VPS13C: variants seen among roughly 807,000 people sequenced by gnomAD.
VPS13C encodes vacuolar protein sorting 13 homolog C.
A neutral mutation model predicts 456.8 loss-of-function variants in VPS13C; 358 were observed. The observed-to-expected ratio is 0.78, with a 90% CI of 0.72 to 0.86. The LOEUF (loss-of-function observed/expected upper bound fraction) is 0.86, where lower values mean the gene tolerates loss of function less well. VPS13C is among the 40% of genes least tolerant of loss of function. VPS13C has a pLI of 0.00. For missense variants in VPS13C, 4,818 were observed against 4,385.4 expected (o/e 1.10, Z -2.79); for synonymous variants, 1,578 against 1,486.7 (o/e 1.06, Z -1.41).
rs369377385 is a variant in VPS13C, at chr15:62,008,512, T to C, written c.1118+143A>G. The C allele has an allele frequency of 1.5e-5, 7 of 473,974 alleles. No homozygotes were observed. In the South Asian group the frequency reaches 3.7e-4, roughly 25 times the overall value. The allele number at this position is 473,974 out of a possible 1,614,324, so 29.4% of individuals were successfully genotyped here. On this transcript the variant is annotated intron_variant, in intron 14 of 84. Coordinates refer to ENST00000644861, the MANE Select transcript of VPS13C (RefSeq NM_020821.3). ...AAGCTGTTTTTATAAGTAATCAATA[T>C]ATTTACCATTTGTCTTTTAATACTC...
chr15:62,010,770 C>T (rs2047011336), intron 12 of VPS13C, among the ~76,000 whole-genome samples, 171 bp from the exon 13 acceptor site: 2 of 152,140 alleles, frequency 1.3e-5, no homozygotes, highest in Non-Finnish European at 2.9e-5. Context: ...TACTTATATG[C>T]ATAATAATAA....
intron 82 of VPS13C, among the ~76,000 whole-genome samples, chr15:61,862,927 T>G (rs1248059169): frequency 6.6e-6 from 1 of 152,124 alleles, no homozygotes; most frequent in Non-Finnish European, 1.5e-5. Context: ...TTATCTAGGA[T>G]AGATCCCAGG....
At chr15:61,877,436 C>CATGACATAACCA (rs1895507529) in intron 74 of VPS13C, among the ~76,000 whole-genome samples, 1 of 75,082 alleles carries the variant, frequency 1.3e-5, no homozygotes, top group Non-Finnish European at 4.0e-5. Context: ...TTATTTAAAA[C>CATGACATAACCA]TTGACATAAC....
At chr15:61,905,621 T>C (rs1667372718) in intron 66 of VPS13C, among the ~76,000 whole-genome samples, 1 of 152,136 alleles carries the variant, frequency 6.6e-6, no homozygotes, top group Non-Finnish European at 1.5e-5. Flanking sequence ...ATATGATATG[T>C]CCTCAATAAA....
chr15:61,872,330 G>A (rs961892500), intron 78 of VPS13C, among the ~76,000 whole-genome samples: 11 of 152,158 alleles, frequency 7.2e-5, no homozygotes, highest in South Asian at 4.2e-4. Context: ...CGTAACCATG[G>A]GTAGCTGAAA....
At chr15:61,949,677 T>A in intron 41 of VPS13C, 72 bp from the exon 42 acceptor site, 2 of 1,459,608 alleles carry the variant, frequency 1.4e-6, no homozygotes, top group Non-Finnish European at 1.8e-6. Flanking sequence ...TCAACAGATA[T>A]AAGTAGCACA....
intron 16 of VPS13C, among the ~76,000 whole-genome samples, chr15:61,992,330 CCTT>C (rs1275554283): frequency 1.3e-5 from 2 of 152,134 alleles, no homozygotes; most frequent in African/African-American, 2.4e-5. Flanking sequence ...TTCTATCACT[CCTT>C]CTCTTTGCCC....
intron 66 of VPS13C, among the ~76,000 whole-genome samples, chr15:61,900,809 C>T (rs1390141505): frequency 6.6e-6 from 1 of 151,796 alleles, no homozygotes; most frequent in Non-Finnish European, 1.5e-5. Context: ...CAAGTCAATC[C>T]TAAGCCAAAA....
chr15:62,036,202 G>A (rs928719602), intron 3 of VPS13C, among the ~76,000 whole-genome samples: 7 of 151,312 alleles, frequency 4.6e-5, no homozygotes, highest in Non-Finnish European at 1.0e-4. Context: ...CAGGAGAAAA[G>A]AATTTGATTC....
intron 77 of VPS13C, among the ~76,000 whole-genome samples, chr15:61,874,076 G>A (rs147091390): frequency 1.3e-5 from 2 of 152,000 alleles, no homozygotes; most frequent in African/African-American, 4.8e-5. Context: ...AATAAGTCTG[G>A]CACAGAAAAA....
At chr15:62,000,650 A>G in intron 15 of VPS13C, 24 bp from the exon 16 acceptor site, 1 of 1,576,302 alleles carries the variant, frequency 6.3e-7, no homozygotes, top group Non-Finnish European at 8.6e-7. Context: ...AGGCACTTAT[A>G]AACAAGAAAT....
chr15:61,901,816 T>C (rs2043006501), intron 66 of VPS13C, among the ~76,000 whole-genome samples: 2 of 152,130 alleles, frequency 1.3e-5, no homozygotes, highest in South Asian at 4.1e-4. Context: ...TGCACACATA[T>C]GTTTATTGCG....
chr15:62,046,103 T>G (rs2048392961), intron 1 of VPS13C, among the ~76,000 whole-genome samples: 1 of 152,054 alleles, frequency 6.6e-6, no homozygotes, highest in South Asian at 2.1e-4. Context: ...TGTCGAAAAC[T>G]ATAATAAAGG....
chr15:61,938,559 C>T (rs533636422), intron 47 of VPS13C, among the ~76,000 whole-genome samples: 3 of 152,260 alleles, frequency 2.0e-5, no homozygotes, highest in Non-Finnish European at 2.9e-5. Flanking sequence ...ACTGTTGCTG[C>T]ATTCCTGAGT....
At chr15:61,955,033 G>T (rs368543246) in intron 37 of VPS13C, among the ~76,000 whole-genome samples, 194 of 152,232 alleles carry the variant, frequency 1.3e-3, no homozygotes, top group Non-Finnish European at 2.2e-3. Context: ...AAGAAAAAAG[G>T]GAGTGGGAGG....
In VPS13C at chr15:61,927,092, G is replaced by A. The variant is rs1327676441; in HGVS notation, c.6515C>T (p.Thr2172Ile). ...LREKRGKNIT[T>I]VLQPCSLFME... ...ATTAGGACACAAGGTAATTCTTACT[G>A]TGGTAATGTTTTTCCCTCTCTTTTC... The change falls in exon 52 of 85, where the codon ACA becomes ATA. Residue 2172 changes from threonine to isoleucine, a missense_variant and splice_region_variant. By Grantham distance (89) the Thr-to-Ile change is moderately conservative. Around this residue, in one of 3 missense-constraint regions of VPS13C, gnomAD observed 4,552 missense variants for 4,130.6 expected, o/e 1.10. Transcript: ENST00000644861. 3 of 1,613,458 alleles carry A rather than the reference G, an allele frequency of 1.9e-6. No homozygotes were observed. The highest frequency in any genetic ancestry group is 2.5e-6 in the Non-Finnish European group (3 of 1,179,450).
intron 9 of VPS13C, among the ~76,000 whole-genome samples, chr15:62,017,399 T>C (rs1329169782): frequency 2.6e-5 from 4 of 152,164 alleles, no homozygotes; most frequent in Non-Finnish European, 5.9e-5. Flanking sequence ...GGTTTTCTTC[T>C]AGGGTTTTTA....
chr15:61,953,789 ATC>A (rs2044887344), intron 38 of VPS13C, among the ~76,000 whole-genome samples: 1 of 152,030 alleles, frequency 6.6e-6, no homozygotes, highest in African/African-American at 2.4e-5. Flanking sequence ...CCTCTGGAAA[ATC>A]TTTTATGACC....
chr15:61,998,187 T>C (rs2046458270), intron 16 of VPS13C, among the ~76,000 whole-genome samples: 1 of 152,200 alleles, frequency 6.6e-6, no homozygotes, highest in Non-Finnish European at 1.5e-5. Context: ...TTCCCTTAGA[T>C]ATCTTTCTGG....
Sources: gnomAD v4.1 joint callset for allele counts (sites outside exome capture counted in the v4.1 genomes callset) on GRCh38, gnomAD v4.1.1 for gene constraint, gnomAD v4.1.1 regional missense constraint, MANE v1.5 for transcripts, NCBI Gene and HGNC (gene_info 2026-07-23, HGNC 2026-07-21) for gene names.